The following RPF2 variants were observed in gnomAD, a reference collection of about 807,000 sequenced individuals.
RPF2 encodes ribosome production factor 2 homolog, also known as brix domain containing 1.
Under a neutral mutation model 38.9 loss-of-function variants are expected in RPF2, and 21 were observed. The ratio of observed to expected loss-of-function variants is 0.54; its 90% CI spans 0.38 to 0.78. The LOEUF (loss-of-function observed/expected upper bound fraction) is 0.78. RPF2 is among the 30% of genes least tolerant of loss of function. RPF2 has a pLI of 0.00. For missense variants in RPF2, 314 were observed against 358.1 expected (o/e 0.88, Z 0.99); for synonymous variants, 121 against 126.2 (o/e 0.96, Z 0.28).
intron 2 of RPF2, among the ~76,000 whole-genome samples, chr6:110,985,904 C>T: frequency 6.7e-6 from 1 of 149,544 alleles, no homozygotes; most frequent in Non-Finnish European, 1.5e-5. Context: ...TGCCACTGCT[C>T]CAGCCTGAGT....
chr6:110,985,241 C>T, intron 2 of RPF2, 103 bp downstream of exon 2: 1 of 998,106 alleles, frequency 1.0e-6, no homozygotes, highest in South Asian at 1.9e-5. Flanking sequence ...GCTTGCCTTA[C>T]CATAAGAACT....
chr6:111,024,343 C>A lies in RPF2; in HGVS notation c.741+16C>A. 1 of 1,579,474 alleles carries A rather than the reference C, an allele frequency of 6.3e-7. No individual in the cohort carries two copies. Among genetic ancestry groups the A allele is most frequent in the Non-Finnish European group, 8.6e-7 (1 of 1,168,062 alleles). ...AGCTCTCAAGGTATATAACTTAGAGCTTGGTACCACATTTATTTGTATTTT... is the reference window on the plus strand; with the variant it reads ...AGCTCTCAAGGTATATAACTTAGAGATTGGTACCACATTTATTTGTATTTT... On this transcript the variant is annotated intron_variant, in intron 9 of 9. Coordinates refer to ENST00000441448, the MANE Select transcript of RPF2 (RefSeq NM_032194.3).
Position 110,991,770 on chromosome 6 carries a change from A to G in RPF2, c.218A>G (p.Glu73Gly). ...AGGAAAAATATTACAAGACCTTTTGAGGATCAGACATCACTGGTAAGTATA... is the reference window on the plus strand; with the variant it reads ...AGGAAAAATATTACAAGACCTTTTGGGGATCAGACATCACTGGTAAGTATA... ...YKKKNITRPF[E>G]DQTSLEFFSK... The change falls in exon 4 of 10, where the codon GAG becomes GGG. Residue 73 changes from glutamate to glycine, a missense_variant. Glu to Gly is a moderately conservative substitution (Grantham distance 98). Transcript: ENST00000441448. 1 of 1,236,644 alleles carries G rather than the reference A, an allele frequency of 8.1e-7. No individual in the cohort carries two copies. The highest frequency in any genetic ancestry group is 1.1e-6 in the Non-Finnish European group (1 of 886,430). The allele number at this position is 1,236,644 out of a possible 1,614,324, so 76.6% of individuals were successfully genotyped here. A position where few individuals can be genotyped will look rare whatever the true frequency, so the allele number is the denominator to read the frequency against.
intron 5 of RPF2, 22 bp downstream of exon 5, chr6:110,997,286 A>G: frequency 7.2e-7 from 1 of 1,385,762 alleles, no homozygotes; most frequent in Non-Finnish European, 1.0e-6. Flanking sequence ...TTACTTTTTA[A>G]TGTTTTCACT....
chr6:111,013,413 A>C (rs912815830), intron 7 of RPF2, among the ~76,000 whole-genome samples: 1 of 152,128 alleles, frequency 6.6e-6, no homozygotes, highest in African/African-American at 2.4e-5. Flanking sequence ...TTCATTCATT[A>C]CTTGTTTGTG....
In RPF2 at chr6:111,000,027, A is replaced by G. The variant is rs973593911; in HGVS notation, c.393+240A>G. ...TGTTAGACTTCAGACTGTGGTTACTAATTCTTGTCTAGGCCATAGTTTTTT... is the reference window on the plus strand; with the variant it reads ...TGTTAGACTTCAGACTGTGGTTACTGATTCTTGTCTAGGCCATAGTTTTTT... On this transcript the variant is annotated intron_variant, in intron 6 of 9. Transcript: ENST00000441448. 5.3e-5 allele frequency among the ~76,000 whole-genome samples: 8 copies of G among 151,496 alleles called. No individual in the cohort carries two copies. The South Asian group carries it at 1.0e-3, about 20-fold the overall frequency.
intron 8 of RPF2, among the ~76,000 whole-genome samples, chr6:111,016,830 G>C (rs1229320851): frequency 6.6e-6 from 1 of 151,502 alleles, no homozygotes; most frequent in African/African-American, 2.4e-5. Flanking sequence ...GGACCCTGCG[G>C]CCTTCCGCAG....
At position 111,008,238 on chromosome 6, in the gene RPF2, T is replaced by A. The variant is rs1004479897; in HGVS notation, c.493+101T>A. On this transcript the variant is annotated intron_variant, in intron 7 of 9. Transcript: ENST00000441448. ...TACTTTAGGTTTGTAACTTCTTTTT[T>A]CTCTTATTTTAAAAATAATATTTAT... The A allele has an allele frequency of 2.4e-6, 3 of 1,264,308 alleles. No homozygotes were observed. The African/African-American group carries it at 4.8e-5, about 20-fold the overall frequency. 78.3% of individuals were successfully genotyped at this position (1,264,308 alleles called of 1,614,324 possible).
intron 2 of RPF2, among the ~76,000 whole-genome samples, chr6:110,987,853 C>T (rs1771550333): frequency 6.6e-6 from 1 of 152,052 alleles, no homozygotes; most frequent in Admixed American, 6.6e-5. Context: ...CAGTACTGGC[C>T]ATACAAGTAA....
In RPF2 at chr6:111,028,188, T is replaced by C. The variant is rs1007038788; in HGVS notation, c.*2606T>C. On this transcript the variant is annotated 3_prime_UTR_variant, in exon 10 of 10. Coordinates refer to ENST00000441448, the MANE Select transcript of RPF2 (RefSeq NM_032194.3). Reference sequence around the variant, plus strand: ...AAGTGCTGTTTGTTTTCTTGGTTATTGAACATAATCCAAAGTAGAGATGTT... The same window carrying C: ...AAGTGCTGTTTGTTTTCTTGGTTATCGAACATAATCCAAAGTAGAGATGTT... 6 of 152,184 alleles carry C rather than the reference T, an allele frequency of 3.9e-5. No homozygotes were observed. The highest frequency in any genetic ancestry group is 1.4e-4 in the African/African-American group (6 of 41,464). 9.4% of individuals were successfully genotyped at this position (152,184 alleles called of 1,614,324 possible).
intron 7 of RPF2, among the ~76,000 whole-genome samples, chr6:111,015,322 GTT>G (rs952614111): frequency 1.4e-4 from 21 of 151,872 alleles, no homozygotes; most frequent in African/African-American, 3.4e-4. Context: ...TCTTATTAGA[GTT>G]TTTTTCTTGT....
rs753984892 is a variant in RPF2, at chr6:111,025,582, A to G, written c.921A>G (p.Ter307TrpextTer37). 6.2e-7 allele frequency: 1 copy of G among 1,603,262 alleles called. No homozygotes were observed. Among genetic ancestry groups the G allele is most frequent in the African/African-American group, 1.3e-5 (1 of 74,152 alleles). ...AGTCAAAAAGAATTAAAAAAAATTG[A>G]TGGAACTTAGCCAGCCACTACTGTT... ...EKKSKRIKKN[*>W] Residue 307 changes from the stop codon to tryptophan (W), a stop_lost, in exon 10 of 10, where the codon TGA (stop) becomes TGG (tryptophan). Transcript: ENST00000441448.
chr6:110,991,879 A>G, intron 4 of RPF2, 93 bp downstream of exon 4: 1 of 437,322 alleles, frequency 2.3e-6, no homozygotes, highest in Admixed American at 3.9e-5. Context: ...ATTTTTTTAA[A>G]CATTAGAAGT....
chr6:111,015,647 C>A, intron 7 of RPF2, 107 bp from the exon 8 acceptor site: 1 of 729,352 alleles, frequency 1.4e-6, no homozygotes, highest in South Asian at 1.7e-5. Flanking sequence ...ATTTTTTGTG[C>A]TTTTTTAGAT....
intron 4 of RPF2, among the ~76,000 whole-genome samples, chr6:110,992,034 C>T (rs9384776): frequency 0.17 from 26,275 of 152,062 alleles, 2,319 homozygotes; most frequent in South Asian, 0.28. Context: ...TGGCCGGGCG[C>T]GGTGGCTCAC....
At chr6:110,987,351 G>T (rs997436750) in intron 2 of RPF2, among the ~76,000 whole-genome samples, 1 of 152,148 alleles carries the variant, frequency 6.6e-6, no homozygotes. Flanking sequence ...GAGCCACCAT[G>T]CCTGGCTTTG....
intron 8 of RPF2, among the ~76,000 whole-genome samples, chr6:111,017,297 G>A (rs1772136332): frequency 6.6e-6 from 1 of 151,398 alleles, no homozygotes; most frequent in African/African-American, 2.4e-5. Context: ...CGGGGCGGCG[G>A]CTGGGCGGAG....
chr6:111,005,522 G>A (rs1321401898), intron 6 of RPF2, among the ~76,000 whole-genome samples: 2 of 152,156 alleles, frequency 1.3e-5, no homozygotes, highest in Non-Finnish European at 2.9e-5. Flanking sequence ...TATAGTAAGA[G>A]TTTCAACATT....
In RPF2 at chr6:111,015,782, T is replaced by C; in HGVS notation, c.522T>C (p.Asn174=). The C allele has an allele frequency of 6.2e-7, 1 of 1,612,254 alleles. No homozygotes were observed. Among genetic ancestry groups the C allele is most frequent in the Non-Finnish European group, 8.5e-7 (1 of 1,178,524 alleles). The part of the protein sequence containing the change: ...IDFFRGPTVS[N]IRLAGLEYVL... ...TCTTCAGAGGCCCCACAGTATCAAA[T>C]ATCCGCCTGGCTGGATTAGAGTATG... Residue 174 remains asparagine (N), a synonymous_variant, in exon 8 of 10, where the codon AAT becomes AAC. Transcript: ENST00000441448.
Sources: gnomAD v4.1 joint callset for allele counts (sites outside exome capture counted in the v4.1 genomes callset) on GRCh38, gnomAD v4.1.1 for gene constraint, MANE v1.5 for transcripts, NCBI Gene and HGNC (gene_info 2026-07-23, HGNC 2026-07-21) for gene names.